Variants in RIMBP2 observed in about 807,000 individuals in gnomAD.
RIMBP2 encodes RIMS binding protein 2.
RIMBP2 carries 48 observed loss-of-function variants against 118.6 expected under a neutral mutation model. The ratio of observed to expected loss-of-function variants is 0.40; its 90% confidence interval spans 0.32 to 0.51. RIMBP2 has a LOEUF of 0.51. Among genes scored for constraint, RIMBP2 ranks in the 20% least tolerant of loss-of-function variants. The pLI, the probability that RIMBP2 is intolerant of heterozygous loss-of-function variation, is 0.41. For synonymous variants in RIMBP2, 762 were observed against 742.9 expected, an observed-to-expected ratio of 1.03 and a Z score of -0.42; for missense variants, 1,551 against 1,768.3, an observed-to-expected ratio of 0.88 and a Z score of 2.20.
intron 2 of RIMBP2, among the ~76,000 whole-genome samples, chr12:130,626,572 T>C (rs529852497): frequency 2.1e-5 from 3 of 142,710 alleles, no homozygotes; most frequent in East Asian, 4.1e-4. Context: ...ACCACCATCT[T>C]CTCCATCACG....
In RIMBP2 at chr12:130,622,122, G is replaced by A. The variant is rs892215790; in HGVS notation, c.-217+6200C>T. Among the ~76,000 whole-genome samples, 9 of 152,330 alleles carry A rather than the reference G, an allele frequency of 5.9e-5. No homozygotes were observed. The highest frequency in any genetic ancestry group is 2.1e-4 in the South Asian group (1 of 4,820). On this transcript the variant is annotated intron_variant, in intron 2 of 22. Transcript: ENST00000690449. The surrounding 1 kb of genome is among the most constrained non-coding windows in gnomAD (Gnocchi z 8.5). ...ATTTCCGCACAAATAAAATTAGGCC[G>A]AGACAGTTAGTCTTGGGGTCCTGAC...
intron 2 of RIMBP2, among the ~76,000 whole-genome samples, chr12:130,555,210 C>T (rs2056230836): frequency 6.6e-6 from 1 of 152,146 alleles, no homozygotes; most frequent in Admixed American, 6.5e-5. Context: ...GAACTTCTGC[C>T]TCTGTTGAGA....
Position 130,698,195 on chromosome 12 carries a change from C to T in RIMBP2, c.-352+18027G>A, listed in dbSNP as rs78987786. Among the ~76,000 whole-genome samples, 1,031 of 152,234 alleles carry T rather than the reference C, an allele frequency of 6.8e-3. 13 individuals carry two copies. Among genetic ancestry groups the T allele is most frequent in the African/African-American group, 0.024 (981 of 41,528 alleles). On this transcript the variant is annotated intron_variant, in intron 1 of 22. Coordinates refer to ENST00000690449, the MANE Select transcript of RIMBP2 (RefSeq NM_001393629.1). The stretch of plus-strand genomic sequence containing the variant: ...AGATAAAGACTTTCAAGGGAGAAGG[C>T]GTGGGCCACAGAGCCAGAGGGGGTG...
At chr12:130,547,198 GCT>G (rs1377963031) in intron 2 of RIMBP2, among the ~76,000 whole-genome samples, 1 of 152,102 alleles carries the variant, frequency 6.6e-6, no homozygotes, top group Non-Finnish European at 1.5e-5. Flanking sequence ...GACAGTTAGG[GCT>G]CTTTTAATAT....
At chr12:130,654,687 T>A (rs747387751) in intron 1 of RIMBP2, among the ~76,000 whole-genome samples, 2 of 152,208 alleles carry the variant, frequency 1.3e-5, no homozygotes, top group African/African-American at 2.4e-5. Flanking sequence ...ATTTTTGTAT[T>A]GCTATAAAGA....
At chr12:130,567,434 C>T (rs1187931111) in intron 2 of RIMBP2, among the ~76,000 whole-genome samples, 2 of 152,214 alleles carry the variant, frequency 1.3e-5, no homozygotes. Context: ...CTCATGTGCA[C>T]TCTGATGTAC....
chr12:130,688,336 G>A lies in RIMBP2; in HGVS notation c.-352+27886C>T, dbSNP rs201867472. Among the ~76,000 whole-genome samples the A allele has an allele frequency of 1.2e-3, 182 of 152,260 alleles. No individual in the cohort carries two copies. The highest frequency in any genetic ancestry group is 4.0e-3 in the African/African-American group (168 of 41,572). Reference sequence around the variant, plus strand: ...CTTTCTAGCCTCACTAGCCTCCCAAGCTTGCTCCCGGTCTCAGGGAGCCAC... The same window carrying A: ...CTTTCTAGCCTCACTAGCCTCCCAAACTTGCTCCCGGTCTCAGGGAGCCAC... On this transcript the variant is annotated intron_variant, in intron 1 of 22. Transcript: ENST00000690449. This position sits in a 1 kb window ranked among gnomAD's most constrained non-coding sequence, Gnocchi z 4.7.
chr12:130,712,679 G>A (rs1296008524), intron 1 of RIMBP2, among the ~76,000 whole-genome samples: 1 of 152,164 alleles, frequency 6.6e-6, no homozygotes, highest in Non-Finnish European at 1.5e-5. Context: ...AAAAGTTACA[G>A]TAAATCCATA....
At chr12:130,588,952 A>C (rs1016581232) in intron 2 of RIMBP2, among the ~76,000 whole-genome samples, 1 of 152,252 alleles carries the variant, frequency 6.6e-6, no homozygotes, top group African/African-American at 2.4e-5. Context: ...AGATGGAATC[A>C]GGAATTCCTT....
intron 1 of RIMBP2, among the ~76,000 whole-genome samples, chr12:130,692,870 GTA>G: frequency 1.4e-5 from 2 of 144,012 alleles, no homozygotes; most frequent in Admixed American, 6.9e-5. Context: ...GTAGGGTAGG[GTA>G]GGGTAGGGTA....
chr12:130,477,556 C>T (rs1372678063), intron 5 of RIMBP2, among the ~76,000 whole-genome samples: 1 of 152,180 alleles, frequency 6.6e-6, no homozygotes, highest in African/African-American at 2.4e-5. Flanking sequence ...GGGTGCCTGC[C>T]ACCTTATTAT....
chr12:130,419,652 G>A lies in RIMBP2; in HGVS notation c.3238+2801C>T, dbSNP rs543829801. The A allele has an allele frequency of 4.6e-5, 7 of 152,278 alleles. No homozygotes were observed. The highest frequency in any genetic ancestry group is 2.1e-4 in the South Asian group (1 of 4,820). The allele number at this position is 152,278 out of a possible 1,614,324, so 9.4% of individuals were successfully genotyped here. A position where few individuals can be genotyped will look rare whatever the true frequency, so the allele number is the denominator to read the frequency against. On this transcript the variant is annotated intron_variant, in intron 17 of 22. Coordinates refer to ENST00000690449, the MANE Select transcript of RIMBP2 (RefSeq NM_001393629.1). The surrounding 1 kb of genome is among the most constrained non-coding windows in gnomAD (Gnocchi z 4.3). Reference sequence around the variant, plus strand: ...TCCTCCCTGGACACAAAGAAAACACGCTGGACTTTCCTCACTTTGTAGGCT... The same window carrying A: ...TCCTCCCTGGACACAAAGAAAACACACTGGACTTTCCTCACTTTGTAGGCT...
intron 6 of RIMBP2, among the ~76,000 whole-genome samples, chr12:130,466,775 G>T (rs1030821643): frequency 1.3e-5 from 2 of 152,164 alleles, no homozygotes; most frequent in Non-Finnish European, 2.9e-5. Flanking sequence ...TCTTCACAGG[G>T]ATGGGACAAA....
intron 21 of RIMBP2, among the ~76,000 whole-genome samples, chr12:130,400,829 A>G (rs2074467190): frequency 6.6e-6 from 1 of 152,250 alleles, no homozygotes; most frequent in Non-Finnish European, 1.5e-5. Flanking sequence ...CAGGCACATG[A>G]AAAGATGCCA....
chr12:130,481,927 C>A (rs1344631914), intron 4 of RIMBP2, among the ~76,000 whole-genome samples: 1 of 136,238 alleles, frequency 7.3e-6, no homozygotes, highest in East Asian at 2.3e-4. Context: ...CCCCGACCCC[C>A]CAAGCCGCCA....
At chr12:130,674,541 C>T (rs987260956) in intron 1 of RIMBP2, among the ~76,000 whole-genome samples, 17 of 152,158 alleles carry the variant, frequency 1.1e-4, no homozygotes, top group African/African-American at 3.6e-4. Context: ...AGGGACATAG[C>T]GGCATACACC....
chr12:130,455,329 T>C (rs2079336848), intron 7 of RIMBP2, among the ~76,000 whole-genome samples: 1 of 152,230 alleles, frequency 6.6e-6, no homozygotes. Flanking sequence ...CATCACCTGG[T>C]CTTCATGCAG....
At chr12:130,661,507 T>G (rs2063662043) in intron 1 of RIMBP2, among the ~76,000 whole-genome samples, 1 of 152,150 alleles carries the variant, frequency 6.6e-6, no homozygotes. Context: ...CCATTACTGG[T>G]CATATGACCC....
rs1555309980 is a variant in RIMBP2, at chr12:130,617,647, A to AAC, written c.-217+10673_-217+10674dup. 6.6e-6 allele frequency among the ~76,000 whole-genome samples: 1 copy of AAC among 152,196 alleles called. No homozygotes were observed. The highest frequency in any genetic ancestry group is 1.5e-5 in the Non-Finnish European group (1 of 68,034). On this transcript the variant is annotated intron_variant, in intron 2 of 22. Transcript: ENST00000690449. The surrounding 1 kb of genome is among the most constrained non-coding windows in gnomAD (Gnocchi z 4.6). The stretch of plus-strand genomic sequence containing the variant: ...TATTTCAGCTGAAGCTTCAGAAAGT[A>AAC]ACAGAGAGGGCCTTGGGCTGAGTGT...
Sources: allele counts gnomAD v4.1 joint callset (sites outside exome capture counted in the v4.1 genomes callset), GRCh38; gene constraint gnomAD v4.1.1; non-coding constraint Gnocchi (gnomAD v3.1); transcripts MANE v1.5; gene names NCBI Gene and HGNC (gene_info 2026-07-23, HGNC 2026-07-21).